Variants in PAPSS1 observed in about 807,000 individuals in gnomAD.
PAPSS1 encodes bifunctional 3'-phosphoadenosine 5'-phosphosulfate synthase 1.
Under a neutral mutation model 72.0 loss-of-function variants are expected in PAPSS1, and 50 were observed. The ratio of observed to expected loss-of-function variants is 0.69; its 90% confidence interval spans 0.55 to 0.88. The LOEUF (loss-of-function observed/expected upper bound fraction) is 0.88, where lower values mean the gene tolerates loss of function less well. PAPSS1 is among the 40% of genes least tolerant of loss of function. PAPSS1 has a pLI of 0.00. For synonymous variants in PAPSS1, 261 were observed against 263.6 expected, an observed-to-expected ratio of 0.99 and a Z score of 0.09; for missense variants, 657 against 782.2, an observed-to-expected ratio of 0.84 and a Z score of 1.91.
At chr4:107,627,936 C>A (rs1190765750) in intron 11 of PAPSS1, among the ~76,000 whole-genome samples, 1 of 152,068 alleles carries the variant, frequency 6.6e-6, no homozygotes, top group Non-Finnish European at 1.5e-5. Flanking sequence ...TGATTTAGAA[C>A]TTTTTCTAAA....
rs149166746 is a variant in PAPSS1 at position 107,671,215 on chromosome 4, T to C, written c.669+10800A>G. On this transcript the variant is annotated intron_variant, in intron 5 of 11. Coordinates refer to ENST00000265174, the MANE Select transcript of PAPSS1 (RefSeq NM_005443.5). ...CTGAATCCTGGAACAGGAAAAACATTAGTGAAAAAATAAGTGAAGAGCTGC... is the reference window on the plus strand; with the variant it reads ...CTGAATCCTGGAACAGGAAAAACATCAGTGAAAAAATAAGTGAAGAGCTGC... 2.7e-3 allele frequency among the ~76,000 whole-genome samples: 400 copies of C among 150,682 alleles called. 1 individual carries two copies. The highest frequency in any genetic ancestry group is 9.2e-3 in the African/African-American group (376 of 41,064).
At chr4:107,641,022 G>GA (rs769946889) in intron 10 of PAPSS1, among the ~76,000 whole-genome samples, 4 of 151,546 alleles carry the variant, frequency 2.6e-5, no homozygotes, top group Admixed American at 6.6e-5. Flanking sequence ...GCCCTAGAAG[G>GA]AAAAAAAACA....
chr4:107,645,486 C>A (rs889302255), intron 9 of PAPSS1, among the ~76,000 whole-genome samples: 3 of 152,156 alleles, frequency 2.0e-5, no homozygotes, highest in African/African-American at 7.2e-5. Context: ...TAATGCTTTA[C>A]TAAGGGAGAC....
At position 107,656,562 on chromosome 4, in the gene PAPSS1, G is replaced by A. The variant is rs76808447; in HGVS notation, c.895+334C>T. ...AGCATGGGCTTCAGTACTGCAAAACGCAGCACGTACATGCCCTGGGTGGGA... is the reference window on the plus strand; with the variant it reads ...AGCATGGGCTTCAGTACTGCAAAACACAGCACGTACATGCCCTGGGTGGGA... On this transcript the variant is annotated intron_variant, in intron 7 of 11. Coordinates refer to ENST00000265174, the MANE Select transcript of PAPSS1 (RefSeq NM_005443.5). Among the ~76,000 whole-genome samples, 959 of 152,210 alleles carry A rather than the reference G, an allele frequency of 6.3e-3. 4 individuals carry two copies. The highest frequency in any genetic ancestry group is 0.021 in the African/African-American group (860 of 41,510).
Position 107,701,177 on chromosome 4 carries a change from G to T in PAPSS1, c.169C>A (p.Leu57Ile). The T allele has an allele frequency of 6.2e-7, 1 of 1,609,692 alleles. No individual in the cohort carries two copies. Among genetic ancestry groups the T allele is most frequent in the Non-Finnish European group, 8.5e-7 (1 of 1,176,304 alleles). ...TTCTCTCTCTTGACCATACCTGTTA[G>T]CCAAACTGTGCAACCACGAAAGCCA... The part of the protein sequence containing the change: ...RGGFRGCTVW[L>I]TGLSGAGKTT... Residue 57 changes from leucine to isoleucine, a missense_variant, in exon 2 of 12, where the codon CTA becomes ATA. By Grantham distance (5) the Leu-to-Ile change is conservative. Transcript: ENST00000265174.
chr4:107,712,855 G>A (rs547170765), intron 1 of PAPSS1, among the ~76,000 whole-genome samples: 2 of 144,620 alleles, frequency 1.4e-5, no homozygotes, highest in Non-Finnish European at 3.0e-5. Flanking sequence ...CCAGGCGACA[G>A]AGCGAGACTC....
intron 11 of PAPSS1, among the ~76,000 whole-genome samples, chr4:107,629,649 T>C (rs1016595792): frequency 6.6e-6 from 1 of 151,900 alleles, no homozygotes; most frequent in South Asian, 2.1e-4. Flanking sequence ...ATCCTGAAAA[T>C]AAAGCACAAC....
At position 107,660,025 on chromosome 4, in the gene PAPSS1, C is replaced by T; in HGVS notation, c.717G>A (p.Val239=). 2.5e-6 allele frequency: 4 copies of T among 1,606,632 alleles called. No individual in the cohort carries two copies. Among genetic ancestry groups the T allele is most frequent in the South Asian group, 1.1e-5 (1 of 90,346 alleles). Residue 239 remains valine, a synonymous_variant, in exon 6 of 12, where the codon GTG becomes GTA. Transcript: ENST00000265174. The part of the protein sequence containing the change: ...DASYEVKELY[V]PENKLHLAKT... ...TTGCCAAATGAAGTTTATTTTCTGG[C>T]ACATATAGTTCTTTTACTTCATAAG...
intron 11 of PAPSS1, among the ~76,000 whole-genome samples, chr4:107,617,156 A>C (rs993566580): frequency 6.8e-5 from 10 of 148,060 alleles, no homozygotes; most frequent in African/African-American, 2.5e-4. Flanking sequence ...GATGTTTGTT[A>C]TCTGTGTGCT....
intron 10 of PAPSS1, among the ~76,000 whole-genome samples, chr4:107,638,130 A>T (rs563862054): frequency 5.3e-5 from 8 of 152,180 alleles, no homozygotes; most frequent in Admixed American, 2.6e-4. Context: ...CTGATATTCT[A>T]AGTGTTTCAA....
chr4:107,702,172 A>C (rs1311818664), intron 1 of PAPSS1, among the ~76,000 whole-genome samples: 1 of 152,228 alleles, frequency 6.6e-6, no homozygotes, highest in African/African-American at 2.4e-5. Flanking sequence ...TAATAAAGAC[A>C]GATAATAACA....
intron 10 of PAPSS1, among the ~76,000 whole-genome samples, chr4:107,639,713 T>C (rs1415769840): frequency 1.3e-5 from 2 of 152,190 alleles, no homozygotes; most frequent in Non-Finnish European, 2.9e-5. Context: ...CTTGTATAAT[T>C]AGACTCAGAT....
intron 11 of PAPSS1, among the ~76,000 whole-genome samples, chr4:107,631,237 A>G (rs1015179777): frequency 5.8e-4 from 89 of 152,332 alleles, no homozygotes; most frequent in African/African-American, 2.0e-3. Flanking sequence ...ATACTTGTAA[A>G]TAATTAGGAC....
intron 5 of PAPSS1, among the ~76,000 whole-genome samples, chr4:107,674,307 C>A (rs1727579384): frequency 6.6e-6 from 1 of 152,090 alleles, no homozygotes; most frequent in Admixed American, 6.5e-5. Flanking sequence ...TGCAGAGACA[C>A]ACATAGGCTC....
intron 1 of PAPSS1, among the ~76,000 whole-genome samples, chr4:107,706,371 T>G (rs1049609213): frequency 2.6e-5 from 4 of 152,198 alleles, no homozygotes; most frequent in African/African-American, 9.6e-5. Context: ...TGTCTTCAAG[T>G]ACAATTATTT....
At position 107,631,848 on chromosome 4, in the gene PAPSS1, A is replaced by C; in HGVS notation, c.1519T>G (p.Cys507Gly). The C allele has an allele frequency of 6.2e-7, 1 of 1,612,842 alleles. No individual in the cohort carries two copies. Among genetic ancestry groups the C allele is most frequent in the Non-Finnish European group, 8.5e-7 (1 of 1,179,016 alleles). ...GCTCCTGCAACCATCCGTGCTCTGC[A>C]ATGCCACTGGACCTAGAATAAAAGT... ...YAGPTEVQWHCRARMVAGANF... is the reference protein window; with the variant it reads ...YAGPTEVQWHGRARMVAGANF... Residue 507 changes from cysteine (C) to glycine (G), a missense_variant, in exon 11 of 12, where the codon TGC becomes GGC. By Grantham distance (159) the Cys-to-Gly change is radical. This residue lies in a region of PAPSS1 where 166 missense variants were observed against 228.3 expected (regional missense o/e 0.73). Coordinates refer to ENST00000265174, the MANE Select transcript of PAPSS1 (RefSeq NM_005443.5).
At chr4:107,671,872 T>C (rs1727480403) in intron 5 of PAPSS1, among the ~76,000 whole-genome samples, 1 of 152,226 alleles carries the variant, frequency 6.6e-6, no homozygotes. Flanking sequence ...TTTTCCTGAA[T>C]ATTCTCAATC....
At chr4:107,672,557 C>G (rs932099483) in intron 5 of PAPSS1, among the ~76,000 whole-genome samples, 3 of 152,200 alleles carry the variant, frequency 2.0e-5, no homozygotes, top group Admixed American at 6.5e-5. Flanking sequence ...AGTAGGTAAA[C>G]AAAGTGGCCT....
At chr4:107,681,558 C>T (rs1239136024) in intron 5 of PAPSS1, among the ~76,000 whole-genome samples, 1 of 152,174 alleles carries the variant, frequency 6.6e-6, no homozygotes, top group Non-Finnish European at 1.5e-5. Flanking sequence ...GTCCTAGAAA[C>T]TTACATCCTC....
Sources: gnomAD v4.1 joint callset for allele counts (sites outside exome capture counted in the v4.1 genomes callset) on GRCh38, gnomAD v4.1.1 for gene constraint, gnomAD v4.1.1 regional missense constraint, MANE v1.5 for transcripts, NCBI Gene and HGNC (gene_info 2026-07-23, HGNC 2026-07-21) for gene names.